Variants in CSRNP3 observed in about 807,000 individuals in gnomAD.
The protein encoded by CSRNP3 is cysteine and serine rich nuclear protein 3.
In CSRNP3, 12 loss-of-function variants were observed where a neutral mutation model predicts 48.0. That is an observed-to-expected ratio of 0.25 (90% CI 0.16 to 0.41). The LOEUF (loss-of-function observed/expected upper bound fraction) is 0.41. CSRNP3 is among the 10% of genes least tolerant of loss of function. The pLI is 1.00. For synonymous variants in CSRNP3, 263 were observed against 269.7 expected (o/e 0.98, Z 0.24); for missense variants, 580 against 724.4 (o/e 0.80, Z 2.29).
At chr2:165,622,486 T>C (rs1384395373) in intron 4 of CSRNP3, among the ~76,000 whole-genome samples, 8 of 152,198 alleles carry the variant, frequency 5.3e-5, no homozygotes, top group Non-Finnish European at 1.2e-4. Context: ...TTAAACAAAA[T>C]AGAAGTTTGT....
At chr2:165,668,281 A>C (rs1486284043) in intron 5 of CSRNP3, among the ~76,000 whole-genome samples, 1 of 152,102 alleles carries the variant, frequency 6.6e-6, no homozygotes, top group African/African-American at 2.4e-5. Flanking sequence ...CATGCCCAAA[A>C]AGTAGGACCC....
At chr2:165,477,777 C>T (rs1683984807) in intron 1 of CSRNP3, among the ~76,000 whole-genome samples, 1 of 151,732 alleles carries the variant, frequency 6.6e-6, no homozygotes, top group Non-Finnish European at 1.5e-5. Context: ...AAGAATTTGA[C>T]ACTAGCCTGG....
chr2:165,571,201 T>C (rs949932504), intron 3 of CSRNP3, among the ~76,000 whole-genome samples: 1 of 151,960 alleles, frequency 6.6e-6, no homozygotes, highest in Admixed American at 6.6e-5. Context: ...AGAAAATTTA[T>C]TTTCTCATCT....
chr2:165,590,445 AT>A (rs1161449918), intron 3 of CSRNP3, among the ~76,000 whole-genome samples: 1 of 152,214 alleles, frequency 6.6e-6, no homozygotes, highest in Non-Finnish European at 1.5e-5. Context: ...TCAAACACAT[AT>A]ACAATAGTTA....
intron 6 of CSRNP3, among the ~76,000 whole-genome samples, 188 bp from the exon 7 acceptor site, chr2:165,678,513 T>C (rs1037997405): frequency 6.6e-6 from 1 of 152,218 alleles, no homozygotes; most frequent in Non-Finnish European, 1.5e-5. Flanking sequence ...TAAAAAGCAG[T>C]TAACTCTTAT....
chr2:165,515,808 T>C (rs1026886834), intron 2 of CSRNP3, among the ~76,000 whole-genome samples: 12 of 144,834 alleles, frequency 8.3e-5, no homozygotes, highest in East Asian at 4.0e-4. Flanking sequence ...TTTCTTTTTT[T>C]TTTTTTTTTT....
At chr2:165,642,012 C>G (rs1395987801) in intron 4 of CSRNP3, among the ~76,000 whole-genome samples, 2 of 151,782 alleles carry the variant, frequency 1.3e-5, no homozygotes, top group African/African-American at 4.8e-5. Flanking sequence ...ACAAATAGCC[C>G]ATGTCATGAG....
chr2:165,549,481 GTTTTACTCTTTT>G (rs1446669939), intron 3 of CSRNP3, among the ~76,000 whole-genome samples: 2 of 151,906 alleles, frequency 1.3e-5, no homozygotes, highest in Non-Finnish European at 2.9e-5. Context: ...GGGGTCCAGT[GTTTTACTCTTTT>G]ATACCTCTAA....
At position 165,527,199 on chromosome 2, in the gene CSRNP3, C is replaced by CTTT. The variant is rs535826285; in HGVS notation, c.-24+9261_-24+9263dup. The stretch of plus-strand genomic sequence containing the variant: ...CACTTAAAGTATGACGCTGTTTGTA[C>CTTT]TTTTTTTTTTTTTTTTTTTTTTTTT... On this transcript the variant is annotated intron_variant, in intron 3 of 6. Transcript: ENST00000651982. Among the ~76,000 whole-genome samples, 482 of 87,262 alleles carry CTTT rather than the reference C, an allele frequency of 5.5e-3. 11 individuals are homozygous for CTTT. Among genetic ancestry groups the CTTT allele is most frequent in the African/African-American group, 8.2e-3 (179 of 21,910 alleles). 57.2% of individuals were successfully genotyped at this position (87,262 alleles called of 152,430 possible). A position where few individuals can be genotyped will look rare whatever the true frequency, so the allele number is the denominator to read the frequency against.
At chr2:165,672,978 G>C (rs1687355030) in intron 5 of CSRNP3, among the ~76,000 whole-genome samples, 1 of 152,026 alleles carries the variant, frequency 6.6e-6, no homozygotes, top group Non-Finnish European at 1.5e-5. Context: ...GCCTAAGCTA[G>C]AGTATCTCCA....
intron 3 of CSRNP3, among the ~76,000 whole-genome samples, chr2:165,592,400 G>A (rs1216999125): frequency 6.6e-6 from 1 of 152,134 alleles, no homozygotes. Context: ...GGTTAATGCT[G>A]GAATGAGCCT....
intron 4 of CSRNP3, among the ~76,000 whole-genome samples, chr2:165,634,994 T>C (rs1257223003): frequency 6.6e-6 from 1 of 152,184 alleles, no homozygotes. Context: ...ATCCAGCCAG[T>C]GCAGTCCTGA....
chr2:165,658,262 G>A (rs1395192777), intron 5 of CSRNP3, among the ~76,000 whole-genome samples: 1 of 152,054 alleles, frequency 6.6e-6, no homozygotes, highest in East Asian at 1.9e-4. Context: ...GAGATCATAT[G>A]CCCTGTGCTT....
intron 2 of CSRNP3, among the ~76,000 whole-genome samples, chr2:165,507,514 A>T (rs2105224102): frequency 6.6e-6 from 1 of 152,310 alleles, no homozygotes; most frequent in African/African-American, 2.4e-5. Flanking sequence ...CTTTATCATA[A>T]AGGCATCTAT....
intron 1 of CSRNP3, among the ~76,000 whole-genome samples, chr2:165,477,387 G>A (rs2105445931): frequency 6.7e-6 from 1 of 149,850 alleles, no homozygotes; most frequent in Admixed American, 6.7e-5. Context: ...GGGAGGCCGA[G>A]GCAGGCAGAT....
At chr2:165,640,964 T>C (rs553096321) in intron 4 of CSRNP3, among the ~76,000 whole-genome samples, 1 of 152,294 alleles carries the variant, frequency 6.6e-6, no homozygotes, top group African/African-American at 2.4e-5. Flanking sequence ...GAAAGGTCCT[T>C]GACACATGGT....
chr2:165,628,044 C>T (rs1686468005), intron 4 of CSRNP3, among the ~76,000 whole-genome samples: 1 of 152,186 alleles, frequency 6.6e-6, no homozygotes, highest in South Asian at 2.1e-4. Flanking sequence ...AGTTGAATTC[C>T]TGAAGAGAAT....
chr2:165,489,142 A>C (rs1452004347), intron 1 of CSRNP3, among the ~76,000 whole-genome samples: 1 of 150,684 alleles, frequency 6.6e-6, no homozygotes, highest in Non-Finnish European at 1.5e-5. Context: ...AGAAATACAA[A>C]CTACCATCAG....
chr2:165,473,600 A>G (rs941281164), intron 1 of CSRNP3, among the ~76,000 whole-genome samples: 1 of 152,200 alleles, frequency 6.6e-6, no homozygotes, highest in Non-Finnish European at 1.5e-5. Flanking sequence ...AGTTTAATAC[A>G]GGGCTTATAC....
Sources: allele counts gnomAD v4.1 joint callset (sites outside exome capture counted in the v4.1 genomes callset), GRCh38; gene constraint gnomAD v4.1.1; transcripts MANE v1.5; gene names NCBI Gene and HGNC (gene_info 2026-07-23, HGNC 2026-07-21).